The following GMPR variants were observed in gnomAD, a reference collection of about 807,000 sequenced individuals.
GMPR encodes GMP reductase 1.
Under a neutral mutation model 38.4 loss-of-function variants are expected in GMPR, and 31 were observed. The observed-to-expected ratio is 0.81, with a 90% CI of 0.61 to 1.09. GMPR has a LOEUF of 1.09. GMPR is among the 50% of genes least tolerant of loss of function. GMPR has a pLI of 0.00. For synonymous variants in GMPR, 162 were observed against 173.3 expected (o/e 0.93, Z 0.51); for missense variants, 468 against 453.7 (o/e 1.03, Z -0.29).
intron 2 of GMPR, among the ~76,000 whole-genome samples, chr6:16,247,485 C>T (rs1054606995): frequency 2.1e-4 from 32 of 151,998 alleles, no homozygotes; most frequent in African/African-American, 6.8e-4. Flanking sequence ...AACAATTCTC[C>T]TGCCTCAGCC....
At chr6:16,278,370 G>C (rs1759515509) in intron 5 of GMPR, among the ~76,000 whole-genome samples, 1 of 152,200 alleles carries the variant, frequency 6.6e-6, no homozygotes, top group Non-Finnish European at 1.5e-5. Flanking sequence ...TGAAGGTAAA[G>C]AAGCTACGAG....
chr6:16,260,334 A>G (rs1759058870), intron 4 of GMPR, among the ~76,000 whole-genome samples: 1 of 152,016 alleles, frequency 6.6e-6, no homozygotes, highest in Non-Finnish European at 1.5e-5. Context: ...ATCAGACTGT[A>G]TAGAGGTGGG....
intron 8 of GMPR, among the ~76,000 whole-genome samples, chr6:16,294,347 C>T (rs1334195738): frequency 6.6e-6 from 1 of 152,188 alleles, no homozygotes; most frequent in East Asian, 1.9e-4. Context: ...AGCAGAAAGA[C>T]AGGCAGGCTA....
intron 2 of GMPR, among the ~76,000 whole-genome samples, chr6:16,248,812 G>A (rs1758808824): frequency 6.6e-6 from 1 of 152,192 alleles, no homozygotes; most frequent in South Asian, 2.1e-4. Flanking sequence ...GAACCAGGGA[G>A]CAGTCAAGTC....
chr6:16,266,058 G>A (rs1323570628), intron 4 of GMPR, among the ~76,000 whole-genome samples: 2 of 151,936 alleles, frequency 1.3e-5, no homozygotes, highest in African/African-American at 2.4e-5. Context: ...GAACCCAGTG[G>A]GAGGAATGAA....
chr6:16,245,689 T>C (rs1336534628), intron 1 of GMPR, among the ~76,000 whole-genome samples: 1 of 152,124 alleles, frequency 6.6e-6, no homozygotes, highest in Non-Finnish European at 1.5e-5. Flanking sequence ...CTGACACAAC[T>C]GAGGATATTA....
intron 5 of GMPR, among the ~76,000 whole-genome samples, chr6:16,275,756 C>A (rs1759460688): frequency 1.3e-5 from 2 of 152,304 alleles, no homozygotes; most frequent in South Asian, 4.1e-4. Flanking sequence ...TCACTAGTCA[C>A]CTGTTTAATC....
At chr6:16,258,723 T>A (rs925338861) in intron 4 of GMPR, among the ~76,000 whole-genome samples, 1 of 152,230 alleles carries the variant, frequency 6.6e-6, no homozygotes, top group Non-Finnish European at 1.5e-5. Flanking sequence ...AAACCTCCAG[T>A]ACTTTTATGT....
intron 6 of GMPR, among the ~76,000 whole-genome samples, chr6:16,285,011 C>G (rs1759648142): frequency 8.3e-6 from 1 of 121,148 alleles, no homozygotes; most frequent in African/African-American, 3.3e-5. Flanking sequence ...AAGAGTGAGA[C>G]TGTCTCAAAA....
At chr6:16,240,928 C>T (rs901112532) in intron 1 of GMPR, among the ~76,000 whole-genome samples, 4 of 151,926 alleles carry the variant, frequency 2.6e-5, no homozygotes, top group Admixed American at 1.3e-4. Context: ...CTCCCTGATG[C>T]GTGAGGCTGC....
chr6:16,255,450 T>C (rs1758954264), intron 4 of GMPR, among the ~76,000 whole-genome samples: 1 of 152,248 alleles, frequency 6.6e-6, no homozygotes, highest in Non-Finnish European at 1.5e-5. Flanking sequence ...GAAACTCTGC[T>C]GTAGGAATTG....
At chr6:16,281,788 G>A (rs535720427) in intron 6 of GMPR, among the ~76,000 whole-genome samples, 15 of 152,306 alleles carry the variant, frequency 9.8e-5, no homozygotes, top group Non-Finnish European at 1.2e-4. Context: ...GATTACAGGC[G>A]TAAGCCACCG....
chr6:16,293,378 G>A (rs113264454), intron 8 of GMPR, among the ~76,000 whole-genome samples: 25 of 152,370 alleles, frequency 1.6e-4, no homozygotes, highest in Admixed American at 5.9e-4. Context: ...CTGGGGTCAC[G>A]GAGTGCTGAG....
At chr6:16,256,809 T>C (rs1758989657) in intron 4 of GMPR, among the ~76,000 whole-genome samples, 2 of 152,218 alleles carry the variant, frequency 1.3e-5, no homozygotes, top group Non-Finnish European at 2.9e-5. Context: ...TTGATCCTGA[T>C]TGCTGACACA....
chr6:16,254,473 C>A, intron 3 of GMPR, 89 bp from the exon 4 acceptor site: 1 of 1,114,066 alleles, frequency 9.0e-7, no homozygotes, highest in Non-Finnish European at 1.3e-6. Flanking sequence ...GGTTGTTGTA[C>A]TGTCCCAGAA....
chr6:16,288,977 C>T (rs1425202176), intron 7 of GMPR, among the ~76,000 whole-genome samples: 3 of 152,226 alleles, frequency 2.0e-5, no homozygotes, highest in African/African-American at 7.2e-5. Flanking sequence ...CTCTACCAAT[C>T]AGCAGGATAT....
At chr6:16,259,337 G>A (rs989165798) in intron 4 of GMPR, 6 of 152,004 alleles carry the variant, frequency 3.9e-5, no homozygotes, top group African/African-American at 1.4e-4. Context: ...GTGGTAGAAT[G>A]TCATCAGTTA....
intron 1 of GMPR, among the ~76,000 whole-genome samples, chr6:16,246,396 A>G (rs1244404915): frequency 2.6e-5 from 4 of 152,196 alleles, no homozygotes; most frequent in African/African-American, 9.7e-5. Context: ...TAAAAGGCGA[A>G]GGGATTAATT....
chr6:16,290,316 G>T, intron 7 of GMPR, 146 bp from the exon 8 acceptor site: 1 of 718,056 alleles, frequency 1.4e-6, no homozygotes, highest in South Asian at 1.7e-5. Context: ...TCCAGGAGGA[G>T]ACAGGCGAGA....
Sources: gnomAD v4.1 joint callset for allele counts (sites outside exome capture counted in the v4.1 genomes callset) on GRCh38, gnomAD v4.1.1 for gene constraint, MANE v1.5 for transcripts, NCBI Gene and HGNC (gene_info 2026-07-23, HGNC 2026-07-21) for gene names.